Variants in CD79B observed in about 807,000 individuals in gnomAD.
CD79B encodes the protein B-cell antigen receptor complex-associated protein beta chain.
Under a neutral mutation model 30.0 loss-of-function variants are expected in CD79B, and 7 were observed. The observed-to-expected ratio is 0.23, with a 90% CI of 0.13 to 0.44. CD79B has a LOEUF of 0.44. Ranked by LOEUF, CD79B falls within the 20% of genes least tolerant of loss-of-function variation. The pLI is 1.00. For missense variants in CD79B, 218 were observed against 299.1 expected (o/e 0.73, Z 2.00); for synonymous variants, 118 against 119.2 (o/e 0.99, Z 0.07).
In CD79B at chr17:63,929,363, C is replaced by A. The variant is rs753430377; in HGVS notation, c.592-39G>T. 2.5e-6 allele frequency: 4 copies of A among 1,610,080 alleles called. No homozygotes were observed. The African/African-American group carries it at 4.0e-5, about 16-fold the overall frequency. The stretch of plus-strand genomic sequence containing the variant: ...GTGGAACTCAGGCCGGGACCACACC[C>A]CAACCACACCAGCAGATAGTGGCCA... On this transcript the variant is annotated intron_variant, in intron 5 of 5. Coordinates refer to ENST00000006750, the MANE Select transcript of CD79B (RefSeq NM_000626.4).
Position 63,930,371 on chromosome 17 carries a change from G to A in CD79B, c.133C>T (p.Arg45Trp), listed in dbSNP as rs1443194987. ...YRNPKGSACSRIWQSPRFIAR... is the reference protein window; with the variant it reads ...YRNPKGSACSWIWQSPRFIAR... ...ATGAAACGTGGGCTCTGCCAGATCC[G>A]CGAACAAGCACTACCTGTGGGTGCC... The change falls in exon 3 of 6, where the codon CGG becomes TGG. Residue 45 changes from arginine (R) to tryptophan (W), a missense_variant. Coordinates refer to ENST00000006750, the MANE Select transcript of CD79B (RefSeq NM_000626.4). 2.5e-6 allele frequency: 4 copies of A among 1,613,692 alleles called. No individual in the cohort carries two copies. The highest frequency in any genetic ancestry group is 3.4e-6 in the Non-Finnish European group (4 of 1,179,964).
At chr17:63,930,052 G>C (rs200615521) in intron 3 of CD79B, 22 bp downstream of exon 3, 12 of 1,611,988 alleles carry the variant, frequency 7.4e-6, no homozygotes, top group African/African-American at 1.3e-5. Context: ...CTACAGGAGC[G>C]TCCCAGCCAC....
At position 63,932,204 on chromosome 17, in the gene CD79B, G is replaced by A. The variant is rs11555057; in HGVS notation, c.58C>T (p.Leu20=). The change falls in exon 1 of 6, where the codon CTG becomes TTG. Residue 20 remains leucine, a synonymous_variant. Transcript: ENST00000006750. ...PSHWMVALLL[L]LSAEPVPAAR... ...GTCGTGGGTTCTGTACCTGAGAGCA[G>A]CAGCAGCAACGCCACCATCCAGTGG... The A allele has an allele frequency of 6.2e-7, 1 of 1,613,198 alleles. No individual in the cohort carries two copies. The highest frequency in any genetic ancestry group is 8.5e-7 in the Non-Finnish European group (1 of 1,179,878).
At chr17:63,930,672 C>G (rs1908070944) in intron 2 of CD79B, among the ~76,000 whole-genome samples, 1 of 152,190 alleles carries the variant, frequency 6.6e-6, no homozygotes, top group Non-Finnish European at 1.5e-5. Context: ...CCATTCCTTC[C>G]TATGCCCATT....
chr17:63,932,175 C>A lies in CD79B; in HGVS notation c.67+20G>T. ...TGGAGATGAGAGCAAACCCCACAGG[C>A]CTCGTCGTGGGTTCTGTACCTGAGA... On this transcript the variant is annotated intron_variant, in intron 1 of 5. Coordinates refer to ENST00000006750, the MANE Select transcript of CD79B (RefSeq NM_000626.4). The A allele has an allele frequency of 6.2e-7, 1 of 1,609,610 alleles. No individual in the cohort carries two copies. The highest frequency in any genetic ancestry group is 1.3e-5 in the African/African-American group (1 of 74,998).
In CD79B at chr17:63,929,089, C is replaced by T. The variant is rs188072437; in HGVS notation, c.*137G>A. On this transcript the variant is annotated 3_prime_UTR_variant, in exon 6 of 6. Coordinates refer to ENST00000006750, the MANE Select transcript of CD79B (RefSeq NM_000626.4). The stretch of plus-strand genomic sequence containing the variant: ...AGAGCTGGGGACCAGGGGCTGGAGA[C>T]AAATGGCAGCTCTGGTGGGCCAGCT... 301 of 701,570 alleles carry T rather than the reference C, an allele frequency of 4.3e-4. 2 individuals are homozygous for T. In the African/African-American group the frequency reaches 4.5e-3, roughly 10 times the overall value. 43.5% of individuals were successfully genotyped at this position (701,570 alleles called of 1,614,324 possible).
Position 63,930,093 on chromosome 17 carries a change from G to A in CD79B, c.411C>T (p.Gly137=). 1 of 1,614,052 alleles carries A rather than the reference G, an allele frequency of 6.2e-7. No homozygotes were observed. The highest frequency in any genetic ancestry group is 8.5e-7 in the Non-Finnish European group (1 of 1,179,986). The change falls in exon 3 of 6, where the codon GGC becomes GGT. Residue 137 remains glycine (G), a synonymous_variant. Transcript: ENST00000006750. ...NNTSEVYQGC[G]TELRVMGFST... ...ACACACCCATGACTCGCAGCTCTGT[G>A]CCGCAGCCCTGGTAGACCTCCGAGG...
rs148536804 is a variant in CD79B, at chr17:63,931,346, C to T, written c.107G>A (p.Arg36Gln). The T allele has an allele frequency of 2.8e-5, 45 of 1,613,870 alleles. 1 individual carries two copies. Among genetic ancestry groups the T allele is most frequent in the South Asian group, 2.3e-4 (21 of 91,084 alleles). Residue 36 changes from arginine (R) to glutamine (Q), a missense_variant, in exon 2 of 6, where the codon CGG becomes CAG. Physicochemically the swap from Arg to Gln is conservative, Grantham distance 43. Coordinates refer to ENST00000006750, the MANE Select transcript of CD79B (RefSeq NM_000626.4). ...VPAARSEDRY[R>Q]NPKGSACSRI... ...GCGAGGCTACTGACCTTTGGGATTC[C>T]GGTACCGGTCCTCCGATCTGGCTGC... is the stretch of plus-strand genomic sequence containing the variant.
At position 63,930,175 on chromosome 17, in the gene CD79B, T is replaced by C. The variant is rs139707827; in HGVS notation, c.329A>G (p.Gln110Arg). 4.3e-6 allele frequency: 7 copies of C among 1,614,096 alleles called. No homozygotes were observed. The African/African-American group carries it at 9.3e-5, about 22-fold the overall frequency. Reference protein sequence around the residue: ...QNESLATLTIQGIRFEDNGIY... With the variant: ...QNESLATLTIRGIRFEDNGIY... ...GCCATTGTCCTCAAACCGGATGCCT[T>C]GGATGGTGAGGGTGGCGAGAGATTC... is the stretch of plus-strand genomic sequence containing the variant. Residue 110 changes from glutamine to arginine, a missense_variant, in exon 3 of 6, where the codon CAA becomes CGA. Transcript: ENST00000006750.
At chr17:63,930,011 G>C (rs1340762045) in intron 3 of CD79B, 63 bp downstream of exon 3, 2 of 1,589,476 alleles carry the variant, frequency 1.3e-6, no homozygotes, top group Admixed American at 1.7e-5. Flanking sequence ...ATCACCACAA[G>C]AGGCAGGCCG....
chr17:63,929,139 G>T lies in CD79B; in HGVS notation c.*87C>A. The T allele has an allele frequency of 1.1e-6, 1 of 922,658 alleles. No homozygotes were observed. The highest frequency in any genetic ancestry group is 1.8e-6 in the Non-Finnish European group (1 of 557,430). 57.2% of individuals were successfully genotyped at this position (922,658 alleles called of 1,614,324 possible). ...TTCAGAGGCCAGCTGGGGGGTCCAG[G>T]AAAGGGGTTGGGCCATGAGCCAGGC... On this transcript the variant is annotated 3_prime_UTR_variant, in exon 6 of 6. Transcript: ENST00000006750.
At chr17:63,930,925 C>T (rs1908084757) in intron 2 of CD79B, 2 of 311,186 alleles carry the variant, frequency 6.4e-6, no homozygotes, top group South Asian at 6.6e-5. Context: ...TGTTCCAGAA[C>T]CCTCTTTCCA....
intron 1 of CD79B, 128 bp from the exon 2 acceptor site, chr17:63,931,513 C>G: frequency 4.8e-6 from 4 of 833,506 alleles, no homozygotes; most frequent in Non-Finnish European, 7.9e-6. Context: ...CAAGACCCCT[C>G]GGTCCTCCCT....
At position 63,929,871 on chromosome 17, in the gene CD79B, G is replaced by C; in HGVS notation, c.448C>G (p.Gln150Glu). 6.2e-7 allele frequency: 1 copy of C among 1,612,912 alleles called. No individual in the cohort carries two copies. ...TTCAGCGTGTTCCTCTGCTTCAGCTGTGCCAAGGTGCTGAATCCTGCGGGG... is the reference window on the plus strand; with the variant it reads ...TTCAGCGTGTTCCTCTGCTTCAGCTCTGCCAAGGTGCTGAATCCTGCGGGG... Reference protein sequence around the residue: ...LRVMGFSTLAQLKQRNTLKDG... With the variant: ...LRVMGFSTLAELKQRNTLKDG... The change falls in exon 4 of 6, where the codon CAG becomes GAG. Residue 150 changes from glutamine to glutamate, a missense_variant. Gln to Glu is a conservative substitution (Grantham distance 29). Transcript: ENST00000006750.
chr17:63,930,621 C>T (rs561818466), intron 2 of CD79B: 54 of 588,500 alleles, frequency 9.2e-5, no homozygotes, highest in Middle Eastern at 9.2e-4. Flanking sequence ...GACTGCCCCA[C>T]CTCCCCTTCG....
At position 63,930,129 on chromosome 17, in the gene CD79B, C is replaced by T; in HGVS notation, c.375G>A (p.Lys125=). 6.2e-7 allele frequency: 1 copy of T among 1,614,174 alleles called. No homozygotes were observed. Among genetic ancestry groups the T allele is most frequent in the Non-Finnish European group, 8.5e-7 (1 of 1,180,002 alleles). The change falls in exon 3 of 6, where the codon AAG becomes AAA. Residue 125 remains lysine, a synonymous_variant. Coordinates refer to ENST00000006750, the MANE Select transcript of CD79B (RefSeq NM_000626.4). ...EDNGIYFCQQ[K]CNNTSEVYQG... ...GGTAGACCTCCGAGGTGTTGTTGCA[C>T]TTCTGCTGACAGAAGTAGATGCCAT...
intron 1 of CD79B, 69 bp downstream of exon 1, chr17:63,932,126 G>T: frequency 1.5e-6 from 2 of 1,357,066 alleles, no homozygotes; most frequent in Non-Finnish European, 2.1e-6. Flanking sequence ...CAAGCAGGAG[G>T]CAGAGCCGCA....
chr17:63,931,238 T>A, intron 2 of CD79B, 97 bp downstream of exon 2: 1 of 1,217,490 alleles, frequency 8.2e-7, no homozygotes, highest in Admixed American at 1.7e-5. Context: ...CAGGCAAGGG[T>A]GGGAAGGCGG....
At chr17:63,931,802 C>T (rs907549475) in intron 1 of CD79B, 2 of 376,342 alleles carry the variant, frequency 5.3e-6, no homozygotes, top group Non-Finnish European at 1.0e-5. Flanking sequence ...GATCTTTCAC[C>T]TCCCAGAGGA....
Sources: allele counts gnomAD v4.1 joint callset (sites outside exome capture counted in the v4.1 genomes callset), GRCh38; gene constraint gnomAD v4.1.1; transcripts MANE v1.5; gene names NCBI Gene and HGNC (gene_info 2026-07-23, HGNC 2026-07-21).